Variants in PSG5 observed in about 807,000 individuals in gnomAD.
PSG5 encodes the protein pregnancy specific beta-1-glycoprotein 5.
Under a neutral mutation model 37.7 loss-of-function variants are expected in PSG5, and 53 were observed. The ratio of observed to expected loss-of-function variants is 1.41; its 90% CI spans 1.13 to 1.77. The LOEUF is 1.77. PSG5 is among the 40% of genes most tolerant of loss of function. The pLI, the probability that PSG5 is intolerant of heterozygous loss-of-function variation, is 0.00. For synonymous variants in PSG5, 221 were observed against 155.4 expected, an observed-to-expected ratio of 1.42 and a Z score of -3.14; for missense variants, 547 against 405.2, an observed-to-expected ratio of 1.35 and a Z score of -3.00.
In PSG5 at chr19:43,176,906, T is replaced by C. The variant is rs1054946726; in HGVS notation, c.431-758A>G. Among the ~76,000 whole-genome samples, 7 of 151,318 alleles carry C rather than the reference T, an allele frequency of 4.6e-5. 1 individual carries two copies. The highest frequency in any genetic ancestry group is 1.7e-4 in the African/African-American group (7 of 40,984). Reference sequence around the variant, plus strand: ...CTGGGTTCTTTAAGTTTCCTCTCCTTCTGCAGAGGGCAGGTGAGGACCATG... The same window carrying C: ...CTGGGTTCTTTAAGTTTCCTCTCCTCCTGCAGAGGGCAGGTGAGGACCATG... On this transcript the variant is annotated intron_variant, in intron 2 of 5. Transcript: ENST00000342951.
chr19:43,184,109 A>T (rs939056252), intron 2 of PSG5, among the ~76,000 whole-genome samples: 4 of 151,622 alleles, frequency 2.6e-5, no homozygotes, highest in South Asian at 4.2e-4. Flanking sequence ...GGGACATTAG[A>T]CTTTCTATGG....
intron 2 of PSG5, among the ~76,000 whole-genome samples, chr19:43,177,126 C>A (rs1173253335): frequency 6.6e-6 from 1 of 151,538 alleles, no homozygotes; most frequent in East Asian, 1.9e-4. Flanking sequence ...GATTCGACTA[C>A]TCTAGGGACC....
chr19:43,182,756 T>G (rs2122236789), intron 2 of PSG5, among the ~76,000 whole-genome samples: 1 of 138,154 alleles, frequency 7.2e-6, no homozygotes, highest in African/African-American at 2.8e-5. Flanking sequence ...GCCTGGCAAT[T>G]ATGAATGGAT....
intron 4 of PSG5, among the ~76,000 whole-genome samples, chr19:43,172,664 A>G (rs1968929535): frequency 6.6e-6 from 1 of 151,686 alleles, no homozygotes; most frequent in Non-Finnish European, 1.5e-5. Context: ...ATTTAGGAAT[A>G]AGTTTAACCA....
chr19:43,176,804 G>A (rs1346833465), intron 2 of PSG5, among the ~76,000 whole-genome samples: 4 of 150,698 alleles, frequency 2.7e-5, no homozygotes, highest in Non-Finnish European at 5.9e-5. Context: ...ATAGAGCAGA[G>A]TGCAAGGAAT....
chr19:43,185,859 C>CCTGATGA (rs1555720098), intron 1 of PSG5, among the ~76,000 whole-genome samples: 26 of 139,154 alleles, frequency 1.9e-4, no homozygotes, highest in African/African-American at 3.1e-4. Context: ...TGTCGTGGCC[C>CCTGATGA]TCTTACCAAT....
At chr19:43,174,683 G>T in intron 4 of PSG5, 1 of 982,766 alleles carries the variant, frequency 1.0e-6, no homozygotes. Flanking sequence ...ACACATGCTG[G>T]TCCCACCCCA....
chr19:43,169,616 A>T (rs559434371), intron 5 of PSG5, among the ~76,000 whole-genome samples: 2 of 151,670 alleles, frequency 1.3e-5, no homozygotes, highest in Non-Finnish European at 2.9e-5. Context: ...AGACCCCTGC[A>T]GATTCTTGAT....
At position 43,186,519 on chromosome 19, in the gene PSG5, A is replaced by T. The variant is rs1047245708; in HGVS notation, c.-114T>A. 1 of 1,511,560 alleles carries T rather than the reference A, an allele frequency of 6.6e-7. No individual in the cohort carries two copies. The highest frequency in any genetic ancestry group is 1.4e-5 in the African/African-American group (1 of 70,892). The allele number at this position is 1,511,560 out of a possible 1,614,324, so 93.6% of individuals were successfully genotyped here. ...CTCCTTCTGTGCTGAGCCTCTCTCC[A>T]GGGCAGGAGCACTTCTCAGGCTCAT... On this transcript the variant is annotated 5_prime_UTR_variant, in exon 1 of 6. Transcript: ENST00000342951.
At chr19:43,170,419 G>C in intron 4 of PSG5, 1 of 458,090 alleles carries the variant, frequency 2.2e-6, no homozygotes, top group Non-Finnish European at 4.0e-6. Context: ...TATTTTCTAT[G>C]TCATTAGAAC....
intron 1 of PSG5, among the ~76,000 whole-genome samples, chr19:43,185,948 C>A (rs1398028472): frequency 2.0e-5 from 3 of 150,570 alleles, no homozygotes; most frequent in Admixed American, 2.0e-4. Context: ...CCAACAGAGA[C>A]TTCTTTCCTT....
rs992560436 is a variant in PSG5 at position 43,174,455 on chromosome 19, T to C, written c.964+760A>G. On this transcript the variant is annotated intron_variant, in intron 4 of 5. Transcript: ENST00000342951. ...CCCCAGGGGTGAATCTCTCTATTTC[T>C]CCAGCTCTGCATCAGTCACTATCCT... 1.4e-5 allele frequency: 11 copies of C among 786,960 alleles called. No homozygotes were observed. The African/African-American group carries it at 1.7e-4, about 12-fold the overall frequency. 48.7% of individuals were successfully genotyped at this position (786,960 alleles called of 1,614,324 possible).
Position 43,184,769 on chromosome 19 carries a change from T to C in PSG5, c.430+13A>G. 6.2e-7 allele frequency: 1 copy of C among 1,612,002 alleles called. No individual in the cohort carries two copies. ...TGTCCCCCAACACCCAGGGATCATG[T>C]GGAATCACTCACGGTATAAGTTGAA... On this transcript the variant is annotated intron_variant, in intron 2 of 5. Coordinates refer to ENST00000342951, the MANE Select transcript of PSG5 (RefSeq NM_002781.4).
chr19:43,174,710 C>A (rs542072607), intron 4 of PSG5: 5 of 1,005,384 alleles, frequency 5.0e-6, no homozygotes, highest in South Asian at 9.2e-5. Context: ...GTGAGGCAGG[C>A]CCAGTCACCA....
In PSG5 at chr19:43,186,492, T is replaced by G. The variant is rs577194681; in HGVS notation, c.-87A>C. Reference sequence around the variant, plus strand: ...GCACGGCTGTAGGCTGTGCTGTCCTTCCTCCTTCTGTGCTGAGCCTCTCTC... The same window carrying G: ...GCACGGCTGTAGGCTGTGCTGTCCTGCCTCCTTCTGTGCTGAGCCTCTCTC... On this transcript the variant is annotated 5_prime_UTR_variant, in exon 1 of 6. Coordinates refer to ENST00000342951, the MANE Select transcript of PSG5 (RefSeq NM_002781.4). 6.3e-7 allele frequency: 1 copy of G among 1,581,788 alleles called. No homozygotes were observed. Among genetic ancestry groups the G allele is most frequent in the East Asian group, 2.2e-5 (1 of 44,532 alleles).
At chr19:43,173,000 A>G (rs1281974355) in intron 4 of PSG5, among the ~76,000 whole-genome samples, 1 of 151,764 alleles carries the variant, frequency 6.6e-6, no homozygotes, top group African/African-American at 2.4e-5. Context: ...CTAGTAATCA[A>G]TACAGTGTGG....
At chr19:43,171,948 GAC>G (rs1568547795) in intron 4 of PSG5, among the ~76,000 whole-genome samples, 1 of 138,310 alleles carries the variant, frequency 7.2e-6, no homozygotes, top group African/African-American at 2.8e-5. Context: ...TTCCATCCTG[GAC>G]TGGTCTACAT....
chr19:43,169,529 T>C (rs1968858815), intron 5 of PSG5, among the ~76,000 whole-genome samples: 1 of 151,604 alleles, frequency 6.6e-6, no homozygotes. Flanking sequence ...GAAGGAATTA[T>C]ACTAGGAAGT....
intron 4 of PSG5, among the ~76,000 whole-genome samples, chr19:43,171,959 A>C: frequency 6.8e-6 from 1 of 147,078 alleles, no homozygotes; most frequent in African/African-American, 2.5e-5. Context: ...ACTGGTCTAC[A>C]TAGTGAGAGC....
Sources: allele counts gnomAD v4.1 joint callset (sites outside exome capture counted in the v4.1 genomes callset), GRCh38; gene constraint gnomAD v4.1.1; transcripts MANE v1.5; gene names NCBI Gene and HGNC (gene_info 2026-07-23, HGNC 2026-07-21).